Variants in CPO observed in about 807,000 individuals in gnomAD.
CPO encodes the protein metallocarboxypeptidase C.
Under a neutral mutation model 41.2 loss-of-function variants are expected in CPO, and 43 were observed. That is an observed-to-expected ratio of 1.04 (90% CI 0.82 to 1.35). The LOEUF is 1.35. Among genes scored for constraint, CPO ranks in the 40% most tolerant of loss-of-function variants. CPO has a pLI of 0.00. For missense variants in CPO, 408 were observed against 451.7 expected (o/e 0.90, Z 0.88); for synonymous variants, 178 against 162.7 (o/e 1.09, Z -0.72).
chr2:206,961,480 G>A (rs1308580797), intron 6 of CPO, among the ~76,000 whole-genome samples: 2 of 152,104 alleles, frequency 1.3e-5, no homozygotes, highest in Non-Finnish European at 2.9e-5. Flanking sequence ...TCATCTCTCT[G>A]CTTTAGTTTT....
intron 7 of CPO, among the ~76,000 whole-genome samples, chr2:206,967,543 C>T (rs564269431): frequency 4.8e-4 from 73 of 151,970 alleles, no homozygotes; most frequent in Admixed American, 2.5e-3. Flanking sequence ...TCCTTTGAAG[C>T]TGGGCAGAAT....
intron 1 of CPO, among the ~76,000 whole-genome samples, chr2:206,943,384 C>T (rs992423692): frequency 1.3e-5 from 2 of 152,018 alleles, no homozygotes; most frequent in Non-Finnish European, 2.9e-5. Flanking sequence ...AGGATATCCT[C>T]TTCATTTGCT....
chr2:206,965,641 G>A (rs1389983348), intron 7 of CPO, among the ~76,000 whole-genome samples: 1 of 152,008 alleles, frequency 6.6e-6, no homozygotes. Flanking sequence ...AAGCTCTGCT[G>A]CCCCCACCCC....
intron 2 of CPO, among the ~76,000 whole-genome samples, chr2:206,952,209 G>T (rs192813275): frequency 1.0e-3 from 157 of 152,182 alleles, no homozygotes; most frequent in African/African-American, 3.8e-3. Context: ...CACCTCCTGG[G>T]TTCAAGCAAT....
chr2:206,955,433 G>A, intron 2 of CPO, 30 bp from the exon 3 acceptor site: 3 of 1,289,866 alleles, frequency 2.3e-6, no homozygotes, highest in Non-Finnish European at 3.4e-6. Context: ...TCTTCCTACT[G>A]ATAGCCACAG....
At position 206,960,832 on chromosome 2, in the gene CPO, C is replaced by T. The variant is rs374916268; in HGVS notation, c.484-20C>T. 2.0e-5 allele frequency: 31 copies of T among 1,542,586 alleles called. No individual in the cohort carries two copies. Among genetic ancestry groups the T allele is most frequent in the Middle Eastern group, 1.7e-4 (1 of 5,948 alleles). ...TATGAAACCTTAGAACAGCAACATC[C>T]GTATGTTCCTCTGCTACAGGATCGT... On this transcript the variant is annotated intron_variant, in intron 5 of 8. Transcript: ENST00000272852.
At chr2:206,942,874 T>C (rs1693054885) in intron 1 of CPO, among the ~76,000 whole-genome samples, 2 of 152,180 alleles carry the variant, frequency 1.3e-5, no homozygotes, top group Non-Finnish European at 2.9e-5. Context: ...CATATTGTGT[T>C]TCAGTTTCAT....
In CPO at chr2:206,960,731, AG is replaced by A; in HGVS notation, c.484-118del. On this transcript the variant is annotated intron_variant, in intron 5 of 8. Transcript: ENST00000272852. ...ACACACACAAGCTGCCTAATGTTAA[AG>A]GGAAGTTCTTCCAGATAATCCTAGG... 6.7e-6 allele frequency: 5 copies of A among 749,012 alleles called. No individual in the cohort carries two copies. The South Asian group carries it at 8.3e-5, about 12-fold the overall frequency. The allele number at this position is 749,012 out of a possible 1,614,324, so 46.4% of individuals were successfully genotyped here. A position where few individuals can be genotyped will look rare whatever the true frequency, so the allele number is the denominator to read the frequency against.
chr2:206,953,797 C>T (rs1693310183), intron 2 of CPO, among the ~76,000 whole-genome samples: 1 of 152,256 alleles, frequency 6.6e-6, no homozygotes, highest in Non-Finnish European at 1.5e-5. Flanking sequence ...TTGCGGCACA[C>T]TTCTGCCTGG....
chr2:206,964,537 C>T (rs887627582), intron 7 of CPO, among the ~76,000 whole-genome samples: 1 of 152,180 alleles, frequency 6.6e-6, no homozygotes, highest in African/African-American at 2.4e-5. Flanking sequence ...AGGCCACATT[C>T]ATCATCCCAC....
intron 2 of CPO, 61 bp downstream of exon 2, chr2:206,949,774 A>G (rs1023771368): frequency 7.3e-5 from 77 of 1,048,882 alleles, no homozygotes; most frequent in Non-Finnish European, 9.4e-5. Context: ...GGATGGGCAA[A>G]GAATGGTTCA....
rs984254198 is a variant in CPO, at chr2:206,955,099, A to C, written c.166-364A>C. Among the ~76,000 whole-genome samples the C allele has an allele frequency of 3.3e-5, 5 of 152,224 alleles. No individual in the cohort carries two copies. The East Asian group carries it at 9.6e-4, about 29-fold the overall frequency. On this transcript the variant is annotated intron_variant, in intron 2 of 8. Transcript: ENST00000272852. Reference sequence around the variant, plus strand: ...GTAAAGATGGAAGAAAATCTCACAAAATAAGCCTCACCTGAAATTTCTGGC... The same window carrying C: ...GTAAAGATGGAAGAAAATCTCACAACATAAGCCTCACCTGAAATTTCTGGC...
At chr2:206,941,194 A>G (rs1178186079) in intron 1 of CPO, among the ~76,000 whole-genome samples, 2 of 152,070 alleles carry the variant, frequency 1.3e-5, no homozygotes, top group East Asian at 3.9e-4. Flanking sequence ...AACTTTATTT[A>G]TAATATATAT....
intron 1 of CPO, among the ~76,000 whole-genome samples, chr2:206,944,223 T>C (rs1000843928): frequency 2.0e-5 from 3 of 152,070 alleles, no homozygotes; most frequent in Admixed American, 2.0e-4. Flanking sequence ...ATTGTTAGTA[T>C]AAAATATACA....
intron 1 of CPO, among the ~76,000 whole-genome samples, chr2:206,941,332 A>G (rs1204694933): frequency 2.0e-5 from 3 of 152,072 alleles, no homozygotes; most frequent in African/African-American, 7.2e-5. Flanking sequence ...TGGCATAGGA[A>G]AATGTATGTT....
At chr2:206,944,674 A>C (rs962452757) in intron 1 of CPO, among the ~76,000 whole-genome samples, 5 of 152,136 alleles carry the variant, frequency 3.3e-5, no homozygotes, top group South Asian at 2.1e-4. Flanking sequence ...ATGTAATAAA[A>C]CATCTTTAAT....
chr2:206,961,904 A>T (rs1383200238), intron 6 of CPO, among the ~76,000 whole-genome samples: 3 of 151,622 alleles, frequency 2.0e-5, no homozygotes, highest in African/African-American at 4.9e-5. Flanking sequence ...CATCCTGGCT[A>T]ACACAGTGAA....
chr2:206,943,567 A>G (rs1693067681), intron 1 of CPO, among the ~76,000 whole-genome samples: 1 of 151,260 alleles, frequency 6.6e-6, no homozygotes, highest in Admixed American at 6.6e-5. Flanking sequence ...CTAGGATGTC[A>G]TAAAAGAATA....
chr2:206,944,138 G>A (rs1395217427), intron 1 of CPO, among the ~76,000 whole-genome samples: 1 of 151,970 alleles, frequency 6.6e-6, no homozygotes, highest in Non-Finnish European at 1.5e-5. Context: ...CTGGGTGGTT[G>A]AGTGACTTAA....
Sources: allele counts gnomAD v4.1 joint callset (sites outside exome capture counted in the v4.1 genomes callset), GRCh38; gene constraint gnomAD v4.1.1; transcripts MANE v1.5; gene names NCBI Gene and HGNC (gene_info 2026-07-23, HGNC 2026-07-21).